Variants in KCNQ1 observed in about 807,000 individuals in gnomAD.
The protein encoded by KCNQ1 is potassium voltage-gated channel subfamily Q member 1.
KCNQ1 carries 49 observed loss-of-function variants against 72.4 expected under a neutral mutation model. The ratio of observed to expected loss-of-function variants is 0.68; its 90% CI spans 0.54 to 0.86. The LOEUF is 0.86. Ranked by LOEUF, KCNQ1 falls within the 40% of genes least tolerant of loss-of-function variation. The pLI, the probability that KCNQ1 is intolerant of heterozygous loss-of-function variation, is 0.00. For missense variants in KCNQ1, 790 were observed against 945.1 expected (o/e 0.84, Z 2.15); for synonymous variants, 450 against 412.6 (o/e 1.09, Z -1.10).
intron 11 of KCNQ1, among the ~76,000 whole-genome samples, chr11:2,741,903 G>A (rs1244085642): frequency 6.6e-6 from 1 of 152,166 alleles, no homozygotes; most frequent in Non-Finnish European, 1.5e-5. Flanking sequence ...GGCCAGGGTG[G>A]GTCACCATCT....
At chr11:2,707,300 C>T (rs1386105683) in intron 11 of KCNQ1, among the ~76,000 whole-genome samples, 1 of 152,198 alleles carries the variant, frequency 6.6e-6, no homozygotes. Context: ...CTGTAACGTC[C>T]ACTGGAATAA....
rs1845723062 is a variant in KCNQ1, at chr11:2,724,400, C to T, written c.1515-44444C>T. 6.6e-6 allele frequency among the ~76,000 whole-genome samples: 1 copy of T among 152,198 alleles called. No homozygotes were observed. The highest frequency in any genetic ancestry group is 2.4e-5 in the African/African-American group (1 of 41,456). On this transcript the variant is annotated intron_variant, in intron 11 of 15. Coordinates refer to ENST00000155840, the MANE Select transcript of KCNQ1 (RefSeq NM_000218.3). The surrounding 1 kb of genome is among the most constrained non-coding windows in gnomAD (Gnocchi z 6.8). Reference sequence around the variant, plus strand: ...GGAATGGAGCTGGCAGCCAGGGTCCCTGTCCCGCCAGCCCTAGGCCTCGAA... The same window carrying T: ...GGAATGGAGCTGGCAGCCAGGGTCCTTGTCCCGCCAGCCCTAGGCCTCGAA...
At chr11:2,756,165 T>A (rs1356949720) in intron 11 of KCNQ1, among the ~76,000 whole-genome samples, 1 of 152,190 alleles carries the variant, frequency 6.6e-6, no homozygotes, top group Non-Finnish European at 1.5e-5. Context: ...AGCAGTCCCA[T>A]ATCTGGGCAT....
chr11:2,814,948 C>T (rs900632486), intron 15 of KCNQ1, among the ~76,000 whole-genome samples: 1 of 152,226 alleles, frequency 6.6e-6, no homozygotes, highest in African/African-American at 2.4e-5. Context: ...GGAGAGAAAG[C>T]ACCTGTGCAG....
At chr11:2,625,524 C>T in intron 10 of KCNQ1, 1 of 396,932 alleles carries the variant, frequency 2.5e-6, no homozygotes, top group South Asian at 1.3e-4. Flanking sequence ...TTTTCACGTA[C>T]TATTATCCAT....
Position 2,752,991 on chromosome 11 carries a change from C to T in KCNQ1, c.1515-15853C>T, listed in dbSNP as rs1326985112. Among the ~76,000 whole-genome samples the T allele has an allele frequency of 3.3e-5, 5 of 152,104 alleles. No homozygotes were observed. Among genetic ancestry groups the T allele is most frequent in the East Asian group, 3.9e-4 (2 of 5,170 alleles). ...CACGGGATCGTTCTCCTCTGTGGGT[C>T]GCTGATATGAAAACAATCTCACAAA... On this transcript the variant is annotated intron_variant, in intron 11 of 15. Transcript: ENST00000155840. This position sits in a 1 kb window ranked among gnomAD's most constrained non-coding sequence, Gnocchi z 5.2.
rs1849758132 is a variant in KCNQ1, at chr11:2,651,647, C to T, written c.1394-10314C>T. 1 of 398,734 alleles carries T rather than the reference C, an allele frequency of 2.5e-6. No individual in the cohort carries two copies. The highest frequency in any genetic ancestry group is 4.4e-6 in the Non-Finnish European group (1 of 226,110). 24.7% of individuals were successfully genotyped at this position (398,734 alleles called of 1,614,324 possible). A position where few individuals can be genotyped will look rare whatever the true frequency, so the allele number is the denominator to read the frequency against. On this transcript the variant is annotated intron_variant, in intron 10 of 15. Coordinates refer to ENST00000155840, the MANE Select transcript of KCNQ1 (RefSeq NM_000218.3). The surrounding 1 kb of genome is among the most constrained non-coding windows in gnomAD (Gnocchi z 6.1). ...CCTGCCCCACCTGGGGTCTCTGTCTCTCCCACAGCTCACTGACATTAGCCA... is the reference window on the plus strand; with the variant it reads ...CCTGCCCCACCTGGGGTCTCTGTCTTTCCCACAGCTCACTGACATTAGCCA...
intron 2 of KCNQ1, among the ~76,000 whole-genome samples, chr11:2,548,899 G>A (rs550308263): frequency 7.9e-5 from 12 of 152,218 alleles, no homozygotes; most frequent in Non-Finnish European, 1.8e-4. Flanking sequence ...GTGAGGACCT[G>A]TCTGGCGGGA....
intron 15 of KCNQ1, among the ~76,000 whole-genome samples, chr11:2,811,115 C>T (rs1847477404): frequency 6.6e-6 from 1 of 152,238 alleles, no homozygotes; most frequent in Admixed American, 6.5e-5. Flanking sequence ...CCTTCACCCT[C>T]AGGCTGTGCA....
chr11:2,595,374 T>C lies in KCNQ1; in HGVS notation c.1393+6520T>C, dbSNP rs1848720049. Reference sequence around the variant, plus strand: ...AATTGAGATTTTTAAAATACAGGCGTGTCTCATTCTTATTGACTGCACTTT... The same window carrying C: ...AATTGAGATTTTTAAAATACAGGCGCGTCTCATTCTTATTGACTGCACTTT... On this transcript the variant is annotated intron_variant, in intron 10 of 15. Coordinates refer to ENST00000155840, the MANE Select transcript of KCNQ1 (RefSeq NM_000218.3). This position sits in a 1 kb window ranked among gnomAD's most constrained non-coding sequence, Gnocchi z 5.0. Among the ~76,000 whole-genome samples, 1 of 152,190 alleles carries C rather than the reference T, an allele frequency of 6.6e-6. No homozygotes were observed. The highest frequency in any genetic ancestry group is 1.5e-5 in the Non-Finnish European group (1 of 68,018).
chr11:2,586,664 C>T (rs569634895), intron 8 of KCNQ1, among the ~76,000 whole-genome samples: 8 of 152,132 alleles, frequency 5.3e-5, no homozygotes, highest in Non-Finnish European at 8.8e-5. Flanking sequence ...GTGTAACACT[C>T]GGGCCTTGGA....
intron 1 of KCNQ1, among the ~76,000 whole-genome samples, chr11:2,525,303 T>G (rs1046320626): frequency 2.0e-5 from 3 of 152,216 alleles, no homozygotes; most frequent in African/African-American, 7.2e-5. Context: ...TTTGCTTGTG[T>G]CCCCGTGAGA....
Position 2,621,616 on chromosome 11 carries a change from G to T in KCNQ1, c.1393+32762G>T. 5.0e-6 allele frequency: 2 copies of T among 398,272 alleles called. No homozygotes were observed. The highest frequency in any genetic ancestry group is 8.9e-6 in the Non-Finnish European group (2 of 225,968). The allele number at this position is 398,272 out of a possible 1,614,324, so 24.7% of individuals were successfully genotyped here. The stretch of plus-strand genomic sequence containing the variant: ...ATTCCTGATTTAATCTTAGCAGGTT[G>T]GTTTTTTTCTAGGAATTTGTCCATT... On this transcript the variant is annotated intron_variant, in intron 10 of 15. Coordinates refer to ENST00000155840, the MANE Select transcript of KCNQ1 (RefSeq NM_000218.3). This position sits in a 1 kb window ranked among gnomAD's most constrained non-coding sequence, Gnocchi z 5.7.
intron 11 of KCNQ1, among the ~76,000 whole-genome samples, chr11:2,728,198 C>T (rs1333913797): frequency 6.6e-6 from 1 of 152,170 alleles, no homozygotes; most frequent in Non-Finnish European, 1.5e-5. Flanking sequence ...CCCCCTCCAC[C>T]TCTGGAGCGG....
chr11:2,506,955 G>A (rs1477997708), intron 1 of KCNQ1, among the ~76,000 whole-genome samples: 1 of 152,238 alleles, frequency 6.6e-6, no homozygotes, highest in Admixed American at 6.5e-5. Flanking sequence ...CATTTATATT[G>A]TGGGAACGTT....
Position 2,481,030 on chromosome 11 carries a change from CAT to C in KCNQ1, c.386+35550_386+35551del, listed in dbSNP as rs1365389086. On this transcript the variant is annotated intron_variant, in intron 1 of 15. Coordinates refer to ENST00000155840, the MANE Select transcript of KCNQ1 (RefSeq NM_000218.3). This position sits in a 1 kb window ranked among gnomAD's most constrained non-coding sequence, Gnocchi z 4.6. ...CTTCTCTATAAGTTTGAAATGAAAT[CAT>C]ATAAATCGAAAGTTAGAAGAGAATT... 1.3e-5 allele frequency among the ~76,000 whole-genome samples: 2 copies of C among 152,182 alleles called. No homozygotes were observed. The highest frequency in any genetic ancestry group is 4.8e-5 in the African/African-American group (2 of 41,436).
At chr11:2,758,599 C>A (rs758897179) in intron 11 of KCNQ1, among the ~76,000 whole-genome samples, 1 of 152,316 alleles carries the variant, frequency 6.6e-6, no homozygotes, top group South Asian at 2.1e-4. Context: ...ATACACAAAA[C>A]TAAATGAAAA....
intron 1 of KCNQ1, among the ~76,000 whole-genome samples, chr11:2,499,203 T>A (rs1448916515): frequency 6.6e-6 from 1 of 152,218 alleles, no homozygotes; most frequent in Non-Finnish European, 1.5e-5. Flanking sequence ...TTGATTTTGT[T>A]TTTTTGCTTG....
At position 2,495,801 on chromosome 11, in the gene KCNQ1, A is replaced by C. The variant is rs1846903477; in HGVS notation, c.387-32127A>C. On this transcript the variant is annotated intron_variant, in intron 1 of 15. Coordinates refer to ENST00000155840, the MANE Select transcript of KCNQ1 (RefSeq NM_000218.3). This position sits in a 1 kb window ranked among gnomAD's most constrained non-coding sequence, Gnocchi z 4.6. ...ATAAGTGCTATGTGATGCTGAGAACAATGTACATTCTCTTGATTTGGGGTG... is the reference window on the plus strand; with the variant it reads ...ATAAGTGCTATGTGATGCTGAGAACCATGTACATTCTCTTGATTTGGGGTG... Among the ~76,000 whole-genome samples, 2 of 152,202 alleles carry C rather than the reference A, an allele frequency of 1.3e-5. No individual in the cohort carries two copies.
Sources: allele counts gnomAD v4.1 joint callset (sites outside exome capture counted in the v4.1 genomes callset), GRCh38; gene constraint gnomAD v4.1.1; non-coding constraint Gnocchi (gnomAD v3.1); transcripts MANE v1.5; gene names NCBI Gene and HGNC (gene_info 2026-07-23, HGNC 2026-07-21).